Variants in PLCH1 observed in about 807,000 individuals in gnomAD.
PLCH1 encodes the protein 1-phosphatidylinositol 4,5-bisphosphate phosphodiesterase eta-1.
Under a neutral mutation model 126.7 loss-of-function variants are expected in PLCH1, and 60 were observed. That is an observed-to-expected ratio of 0.47 (90% CI 0.38 to 0.59). PLCH1 has a LOEUF of 0.59. Among genes scored for constraint, PLCH1 ranks in the 20% least tolerant of loss-of-function variants. PLCH1 has a pLI of 0.00. For synonymous variants in PLCH1, 719 were observed against 734.9 expected (o/e 0.98, Z 0.35); for missense variants, 1,723 against 2,040.0 (o/e 0.84, Z 2.99).
intron 12 of PLCH1, 44 bp downstream of exon 12, chr3:155,514,677 CTT>C: frequency 1.6e-6 from 2 of 1,222,486 alleles, no homozygotes; most frequent in South Asian, 2.5e-5. Context: ...GTATGAGATG[CTT>C]TTTTTTTCCT....
At chr3:155,594,387 A>G (rs570261526) in intron 3 of PLCH1, among the ~76,000 whole-genome samples, 4 of 152,170 alleles carry the variant, frequency 2.6e-5, no homozygotes, top group African/African-American at 9.6e-5. Context: ...CCTGGGCAAC[A>G]TGGTGAAACC....
chr3:155,471,785 G>A (rs890579651), intron 21 of PLCH1, among the ~76,000 whole-genome samples: 14 of 151,920 alleles, frequency 9.2e-5, no homozygotes, highest in Admixed American at 2.6e-4. Flanking sequence ...ACTCAAAATC[G>A]CTCAACTACA....
intron 5 of PLCH1, among the ~76,000 whole-genome samples, chr3:155,584,639 G>A (rs927620438): frequency 6.6e-6 from 1 of 152,174 alleles, no homozygotes; most frequent in Non-Finnish European, 1.5e-5. Context: ...AAAACAGACA[G>A]GGAATGAACG....
chr3:155,581,452 T>C (rs1053227510), intron 6 of PLCH1, among the ~76,000 whole-genome samples: 1 of 152,238 alleles, frequency 6.6e-6, no homozygotes, highest in Non-Finnish European at 1.5e-5. Flanking sequence ...CATACAACGA[T>C]ATATTATTTG....
intron 17 of PLCH1, among the ~76,000 whole-genome samples, chr3:155,493,531 G>A (rs1462563279): frequency 1.3e-5 from 2 of 152,058 alleles, no homozygotes; most frequent in Non-Finnish European, 2.9e-5. Context: ...GGGACTACAG[G>A]CACGCACCAC....
rs967906385 is a variant in PLCH1, at chr3:155,493,860, G to A, written c.2182+281C>T. ...TTAAAAAGCAGTCCAGCTTATATGG[G>A]GCACTGGATTTCAAGTGATAACCCA... On this transcript the variant is annotated intron_variant, in intron 17 of 22. Transcript: ENST00000460012. 3.9e-5 allele frequency among the ~76,000 whole-genome samples: 6 copies of A among 152,004 alleles called. No individual in the cohort carries two copies. In the East Asian group the frequency reaches 9.6e-4, roughly 24 times the overall value.
intron 2 of PLCH1, among the ~76,000 whole-genome samples, chr3:155,634,450 G>A (rs1738477085): frequency 6.6e-6 from 1 of 152,162 alleles, no homozygotes; most frequent in Non-Finnish European, 1.5e-5. Context: ...GCCTCACTGT[G>A]GTGAGTGGGA....
chr3:155,502,869 T>C (rs1178513447), intron 13 of PLCH1, among the ~76,000 whole-genome samples: 1 of 152,252 alleles, frequency 6.6e-6, no homozygotes, highest in African/African-American at 2.4e-5. Flanking sequence ...TATTTTGTGA[T>C]AATGACTAAT....
chr3:155,472,192 A>C (rs1490199607), intron 21 of PLCH1, among the ~76,000 whole-genome samples: 3 of 152,084 alleles, frequency 2.0e-5, no homozygotes, highest in Admixed American at 1.3e-4. Context: ...AAGACTAATA[A>C]AGAAAAAAAG....
chr3:155,544,218 A>G (rs1164872390), intron 10 of PLCH1, among the ~76,000 whole-genome samples: 1 of 152,246 alleles, frequency 6.6e-6, no homozygotes, highest in Admixed American at 6.5e-5. Flanking sequence ...GAAAACAAAA[A>G]AAGGCAGAGG....
At chr3:155,697,758 G>C (rs1008923689) in intron 2 of PLCH1, among the ~76,000 whole-genome samples, 4 of 152,238 alleles carry the variant, frequency 2.6e-5, no homozygotes, top group African/African-American at 9.6e-5. Flanking sequence ...TGACAGCAGA[G>C]AAGGCATGAG....
In PLCH1 at chr3:155,685,062, C is replaced by T. The variant is rs17414151; in HGVS notation, c.79+19084G>A. On this transcript the variant is annotated intron_variant, in intron 2 of 22. Coordinates refer to ENST00000460012, the MANE Select transcript of PLCH1 (RefSeq NM_014996.4). Reference sequence around the variant, plus strand: ...CCTGATGTATCTCCAGGGCCTAGAACGGACCAGAAGAGTAGTGAGTACCAG... The same window carrying T: ...CCTGATGTATCTCCAGGGCCTAGAATGGACCAGAAGAGTAGTGAGTACCAG... 7.6e-3 allele frequency among the ~76,000 whole-genome samples: 1,151 copies of T among 152,230 alleles called. 20 individuals carry two copies. The highest frequency in any genetic ancestry group is 0.026 in the African/African-American group (1,094 of 41,542).
intron 2 of PLCH1, among the ~76,000 whole-genome samples, chr3:155,700,870 G>A (rs767047384): frequency 2.0e-5 from 3 of 152,108 alleles, no homozygotes; most frequent in Non-Finnish European, 4.4e-5. Flanking sequence ...GGTTCATACC[G>A]CACCAAACAT....
rs1310702750 is a variant in PLCH1, at chr3:155,458,405, G to A, written c.2938+26951C>T. ...AAGAAAGAAGGAAGGAAGGAAGGAA[G>A]GAAGGAAGGAAGGAAGGAAGGAAGG... On this transcript the variant is annotated intron_variant, in intron 21 of 21. Coordinates refer to the PLCH1 transcript ENST00000494598. 1.0e-3 allele frequency among the ~76,000 whole-genome samples: 38 copies of A among 38,150 alleles called. 1 individual carries two copies. The highest frequency in any genetic ancestry group is 6.9e-3 in the African/African-American group (29 of 4,204). 25.0% of individuals were successfully genotyped at this position (38,150 alleles called of 152,430 possible). A position where few individuals can be genotyped will look rare whatever the true frequency, so the allele number is the denominator to read the frequency against.
At chr3:155,685,532 A>C (rs1416485592) in intron 2 of PLCH1, among the ~76,000 whole-genome samples, 9 of 152,332 alleles carry the variant, frequency 5.9e-5, no homozygotes, top group South Asian at 2.1e-4. Flanking sequence ...AAGAAGAGTT[A>C]AGGGGCATAA....
At chr3:155,563,456 T>C (rs1727903499) in intron 8 of PLCH1, among the ~76,000 whole-genome samples, 1 of 152,134 alleles carries the variant, frequency 6.6e-6, no homozygotes, top group South Asian at 2.1e-4. Context: ...GTTCCTTTTA[T>C]TCTTTTCTCT....
intron 2 of PLCH1, among the ~76,000 whole-genome samples, chr3:155,623,028 G>A (rs181492094): frequency 6.6e-6 from 1 of 152,248 alleles, no homozygotes; most frequent in Admixed American, 6.5e-5. Flanking sequence ...ACACTCTTCA[G>A]CAAATGCAAA....
chr3:155,513,476 C>T (rs1719886048), intron 12 of PLCH1, among the ~76,000 whole-genome samples: 1 of 152,068 alleles, frequency 6.6e-6, no homozygotes, highest in Admixed American at 6.6e-5. Flanking sequence ...GCAAAGACTT[C>T]TCCAAACGCA....
intron 2 of PLCH1, among the ~76,000 whole-genome samples, chr3:155,612,501 G>A (rs1366198079): frequency 6.6e-6 from 1 of 150,610 alleles, no homozygotes; most frequent in Non-Finnish European, 1.5e-5. Context: ...CAAGATCAGA[G>A]CAGAACTAAA....
Sources: allele counts gnomAD v4.1 joint callset (sites outside exome capture counted in the v4.1 genomes callset), GRCh38; gene constraint gnomAD v4.1.1; transcripts MANE v1.5; gene names NCBI Gene and HGNC (gene_info 2026-07-23, HGNC 2026-07-21).